Variants in ST6GALNAC3 observed in about 807,000 individuals in gnomAD.
ST6GALNAC3 encodes the protein ST6 N-acetylgalactosaminide alpha-2,6-sialyltransferase 3, also known as alpha-N-acetylgalactosaminide alpha-2,6-sialyltransferase 3.
In ST6GALNAC3, 25 loss-of-function variants were observed where a neutral mutation model predicts 32.7. The observed-to-expected ratio is 0.76, with a 90% CI of 0.56 to 1.07. The LOEUF is 1.07. Among genes scored for constraint, ST6GALNAC3 ranks in the 50% least tolerant of loss-of-function variants. ST6GALNAC3 has a pLI of 0.00. For synonymous variants in ST6GALNAC3, 129 were observed against 133.1 expected (o/e 0.97, Z 0.21); for missense variants, 355 against 382.4 (o/e 0.93, Z 0.60).
chr1:76,547,239 G>A (rs1242129577), intron 3 of ST6GALNAC3, among the ~76,000 whole-genome samples: 2 of 152,162 alleles, frequency 1.3e-5, no homozygotes, highest in Non-Finnish European at 2.9e-5. Flanking sequence ...CTGGGAACTA[G>A]ACCAACCGAA....
At chr1:76,520,918 G>C (rs762172453) in intron 3 of ST6GALNAC3, among the ~76,000 whole-genome samples, 1 of 151,910 alleles carries the variant, frequency 6.6e-6, no homozygotes, top group Non-Finnish European at 1.5e-5. Context: ...GTTTGTTAAT[G>C]TACTTATTGA....
rs1247017526 is a variant in ST6GALNAC3, at chr1:76,630,648, T to C, written c.*1842T>C. On this transcript the variant is annotated 3_prime_UTR_variant, in exon 5 of 5. Transcript: ENST00000328299. ...TGCTAAGTATTATGGTGAGCTATCA[T>C]TAAAGTGTGCCATCTTGGATAAAGG... 2 of 985,564 alleles carry C rather than the reference T, an allele frequency of 2.0e-6. No homozygotes were observed. The highest frequency in any genetic ancestry group is 3.5e-5 in the African/African-American group (2 of 57,220). The allele number at this position is 985,564 out of a possible 1,614,324, so 61.1% of individuals were successfully genotyped here.
chr1:76,481,505 T>C (rs1659721557), intron 3 of ST6GALNAC3, among the ~76,000 whole-genome samples: 1 of 152,188 alleles, frequency 6.6e-6, no homozygotes, highest in African/African-American at 2.4e-5. Context: ...TATATTTTGC[T>C]TCAATGATTC....
At chr1:76,533,202 C>T (rs1455446473) in intron 3 of ST6GALNAC3, among the ~76,000 whole-genome samples, 1 of 152,148 alleles carries the variant, frequency 6.6e-6, no homozygotes, top group African/African-American at 2.4e-5. Flanking sequence ...CACTTAACTG[C>T]TTTCAGGAAC....
rs661628 is a variant in ST6GALNAC3 at position 76,632,877 on chromosome 1, A to G, written c.*4071A>G. ...CAAATAATAAATTATGTTATTCAGT[A>G]TCAGTTGTTTGCATGTCTTAGCACA... On this transcript the variant is annotated 3_prime_UTR_variant, in exon 5 of 5. Coordinates refer to ENST00000328299, the MANE Select transcript of ST6GALNAC3 (RefSeq NM_152996.4). The G allele has an allele frequency of 0.96, 146,838 of 152,264 alleles. 70,865 individuals are homozygous for G. The highest frequency in any genetic ancestry group is 1 in the East Asian group (5,186 of 5,188). 9.4% of individuals were successfully genotyped at this position (152,264 alleles called of 1,614,324 possible). A position where few individuals can be genotyped will look rare whatever the true frequency, so the allele number is the denominator to read the frequency against.
chr1:76,402,931 A>G (rs1184321070), intron 2 of ST6GALNAC3, among the ~76,000 whole-genome samples: 1 of 152,008 alleles, frequency 6.6e-6, no homozygotes, highest in Admixed American at 6.6e-5. Flanking sequence ...TCTTCCATGT[A>G]TTCTCACTCC....
At chr1:76,107,298 T>A in intron 1 of ST6GALNAC3, among the ~76,000 whole-genome samples, 1 of 68,666 alleles carries the variant, frequency 1.5e-5, no homozygotes, top group East Asian at 2.4e-4. Context: ...ACACTTTTGC[T>A]TTTTTTTTTT....
chr1:76,113,991 A>ATTTTTTTTTTTT (rs754290749), intron 1 of ST6GALNAC3, among the ~76,000 whole-genome samples: 1 of 125,170 alleles, frequency 8.0e-6, no homozygotes, highest in African/African-American at 3.2e-5. Context: ...CGCCCGGCTA[A>ATTTTTTTTTTTT]TTTTTTTTTT....
chr1:76,563,631 A>T (rs1412761114), intron 3 of ST6GALNAC3, among the ~76,000 whole-genome samples: 2 of 152,228 alleles, frequency 1.3e-5, no homozygotes, highest in African/African-American at 2.4e-5. Flanking sequence ...ACATTAAATT[A>T]TCATGGTACA....
At position 76,074,753 on chromosome 1, in the gene ST6GALNAC3, C is replaced by G; in HGVS notation, c.-114C>G. The G allele has an allele frequency of 8.5e-7, 1 of 1,182,114 alleles. No individual in the cohort carries two copies. The highest frequency in any genetic ancestry group is 1.2e-6 in the Non-Finnish European group (1 of 850,044). 73.2% of individuals were successfully genotyped at this position (1,182,114 alleles called of 1,614,324 possible). ...ACCGCGGTCCCCTTATTTGGATCTG[C>G]GGGAATGTGGGCTGGAGAGGTCCTG... On this transcript the variant is annotated 5_prime_UTR_variant, in exon 1 of 5. Coordinates refer to ENST00000328299, the MANE Select transcript of ST6GALNAC3 (RefSeq NM_152996.4).
At chr1:76,503,018 A>C (rs1477481275) in intron 3 of ST6GALNAC3, among the ~76,000 whole-genome samples, 1 of 152,204 alleles carries the variant, frequency 6.6e-6, no homozygotes, top group African/African-American at 2.4e-5. Flanking sequence ...ATCTCAGTGT[A>C]GGTAAGGTTG....
At chr1:76,128,846 T>C (rs1338173851) in intron 1 of ST6GALNAC3, among the ~76,000 whole-genome samples, 1 of 151,978 alleles carries the variant, frequency 6.6e-6, no homozygotes, top group African/African-American at 2.4e-5. Flanking sequence ...AAAGGAAGAG[T>C]CTAGTGGATA....
At chr1:76,381,826 C>T (rs1651734679) in intron 2 of ST6GALNAC3, among the ~76,000 whole-genome samples, 1 of 152,114 alleles carries the variant, frequency 6.6e-6, no homozygotes, top group South Asian at 2.1e-4. Flanking sequence ...AGAGAAGGAA[C>T]CACAGAGATC....
chr1:76,371,844 G>A (rs1224017417), intron 2 of ST6GALNAC3, among the ~76,000 whole-genome samples: 1 of 152,030 alleles, frequency 6.6e-6, no homozygotes, highest in Non-Finnish European at 1.5e-5. Flanking sequence ...GTAATTACAG[G>A]GCTCACAAGG....
chr1:76,458,519 A>C (rs991290179), intron 3 of ST6GALNAC3, among the ~76,000 whole-genome samples: 2 of 139,448 alleles, frequency 1.4e-5, no homozygotes, highest in African/African-American at 5.5e-5. Flanking sequence ...GATTAAGAAA[A>C]TGTGGCACAT....
intron 2 of ST6GALNAC3, among the ~76,000 whole-genome samples, chr1:76,321,440 T>C (rs1454652585): frequency 6.6e-6 from 1 of 152,180 alleles, no homozygotes; most frequent in East Asian, 1.9e-4. Flanking sequence ...TAAGCCAATA[T>C]ATTTGTCTTC....
intron 1 of ST6GALNAC3, among the ~76,000 whole-genome samples, chr1:76,251,508 T>C (rs1278312043): frequency 6.6e-6 from 1 of 152,148 alleles, no homozygotes. Context: ...AACCCTTCAC[T>C]GTTCTCTCCT....
At chr1:76,586,780 A>G (rs898909103) in intron 3 of ST6GALNAC3, among the ~76,000 whole-genome samples, 2 of 152,182 alleles carry the variant, frequency 1.3e-5, no homozygotes, top group Non-Finnish European at 2.9e-5. Context: ...GTCTTTGTCA[A>G]AGTCAGTGAA....
chr1:76,113,979 C>G (rs532454791), intron 1 of ST6GALNAC3, among the ~76,000 whole-genome samples: 2 of 151,260 alleles, frequency 1.3e-5, no homozygotes, highest in East Asian at 3.9e-4. Flanking sequence ...CGCCTGCCAC[C>G]ACGCCCGGCT....
Sources: gnomAD v4.1 joint callset for allele counts (sites outside exome capture counted in the v4.1 genomes callset) on GRCh38, gnomAD v4.1.1 for gene constraint, MANE v1.5 for transcripts, NCBI Gene and HGNC (gene_info 2026-07-23, HGNC 2026-07-21) for gene names.